The following RANBP17 variants were observed in gnomAD, a reference collection of about 807,000 sequenced individuals.
RANBP17 encodes the protein ran-binding protein 17.
A neutral mutation model predicts 141.2 loss-of-function variants in RANBP17; 158 were observed. The ratio of observed to expected loss-of-function variants is 1.12; its 90% confidence interval spans 0.98 to 1.28. RANBP17 has a LOEUF of 1.28. Among genes scored for constraint, RANBP17 ranks in the 50% most tolerant of loss-of-function variants. The probability of loss-of-function intolerance (pLI) is 0.00; values close to 1 mark genes in which losing one functional copy is unlikely to be tolerated. For missense variants in RANBP17, 1,438 were observed against 1,290.7 expected (o/e 1.11, Z -1.75); for synonymous variants, 430 against 450.0 (o/e 0.96, Z 0.56).
intron 1 of RANBP17, among the ~76,000 whole-genome samples, chr5:170,864,924 C>T (rs563762916): frequency 8.5e-5 from 13 of 152,322 alleles, no homozygotes; most frequent in Admixed American, 3.3e-4. Context: ...TTATATTCAC[C>T]AGTAACTGGA....
chr5:171,286,337 G>A (rs1468916068), intron 25 of RANBP17, among the ~76,000 whole-genome samples: 1 of 152,138 alleles, frequency 6.6e-6, no homozygotes, highest in Non-Finnish European at 1.5e-5. Context: ...GTGATTCCAG[G>A]GGAGAGCAGG....
chr5:171,101,421 C>G (rs921131577), intron 14 of RANBP17, among the ~76,000 whole-genome samples: 1 of 152,118 alleles, frequency 6.6e-6, no homozygotes, highest in African/African-American at 2.4e-5. Flanking sequence ...GATTGCAACC[C>G]CTGCTCTTTT....
intron 13 of RANBP17, among the ~76,000 whole-genome samples, chr5:170,955,279 G>A (rs2127499789): frequency 6.6e-6 from 1 of 151,852 alleles, no homozygotes; most frequent in East Asian, 1.9e-4. Flanking sequence ...CAGTTTATAG[G>A]TAACAAATGT....
chr5:171,184,329 C>G (rs1021829612), intron 18 of RANBP17, among the ~76,000 whole-genome samples: 1 of 152,120 alleles, frequency 6.6e-6, no homozygotes, highest in Admixed American at 6.5e-5. Context: ...CTGCCATTTG[C>G]CACAGTGTGG....
chr5:171,035,740 T>G (rs1168325111), intron 14 of RANBP17, among the ~76,000 whole-genome samples: 1 of 120,030 alleles, frequency 8.3e-6, no homozygotes, highest in Non-Finnish European at 1.5e-5. Context: ...TTTTTTTGTT[T>G]TTTTTTTTTT....
At chr5:171,003,846 G>T (rs955020052) in intron 14 of RANBP17, among the ~76,000 whole-genome samples, 1 of 152,180 alleles carries the variant, frequency 6.6e-6, no homozygotes, top group African/African-American at 2.4e-5. Flanking sequence ...GGGACGAGGG[G>T]TGTAGGGGAA....
intron 14 of RANBP17, among the ~76,000 whole-genome samples, chr5:170,993,781 A>G (rs564633261): frequency 6.6e-6 from 1 of 152,232 alleles, no homozygotes; most frequent in East Asian, 1.9e-4. Context: ...ACAAAATGTT[A>G]GAGCCCTGAA....
At chr5:171,266,067 C>G (rs1373647714) in intron 25 of RANBP17, among the ~76,000 whole-genome samples, 1 of 152,134 alleles carries the variant, frequency 6.6e-6, no homozygotes, top group Non-Finnish European at 1.5e-5. Flanking sequence ...CATCTCACCT[C>G]AGTGGAGCTA....
chr5:171,236,349 T>C (rs1446644867), intron 22 of RANBP17, among the ~76,000 whole-genome samples: 1 of 152,230 alleles, frequency 6.6e-6, no homozygotes, highest in African/African-American at 2.4e-5. Flanking sequence ...TTTCTCCTGG[T>C]ATAAGATACT....
chr5:171,062,145 T>G (rs996463913), intron 14 of RANBP17, among the ~76,000 whole-genome samples: 1 of 151,848 alleles, frequency 6.6e-6, no homozygotes, highest in Non-Finnish European at 1.5e-5. Flanking sequence ...AATTGGAGCA[T>G]TTAGTCCATT....
At position 171,096,413 on chromosome 5, in the gene RANBP17, G is replaced by T. The variant is rs144716782; in HGVS notation, c.1711-73717G>T. On this transcript the variant is annotated intron_variant, in intron 14 of 27. Coordinates refer to ENST00000523189, the MANE Select transcript of RANBP17 (RefSeq NM_022897.5). ...AGTCATTGAATTGAATATGTTATTG[G>T]TGATAGAAGTGAAGTGAGAGGAAAT... Among the ~76,000 whole-genome samples, 6 of 152,266 alleles carry T rather than the reference G, an allele frequency of 3.9e-5. No individual in the cohort carries two copies. The East Asian group carries it at 1.2e-3, about 29-fold the overall frequency.
chr5:171,175,147 G>A (rs1327160457), intron 16 of RANBP17, among the ~76,000 whole-genome samples: 1 of 152,106 alleles, frequency 6.6e-6, no homozygotes, highest in South Asian at 2.1e-4. Context: ...TTTTATGGCT[G>A]CATAGTATTC....
At position 171,125,121 on chromosome 5, in the gene RANBP17, C is replaced by A. The variant is rs181772607; in HGVS notation, c.1711-45009C>A. On this transcript the variant is annotated intron_variant, in intron 14 of 27. Coordinates refer to ENST00000523189, the MANE Select transcript of RANBP17 (RefSeq NM_022897.5). ...ACCAGCCTGGTCAACATGGCAAAAC[C>A]CCATCTCTATTGAAAAAATACAAAA... Among the ~76,000 whole-genome samples the A allele has an allele frequency of 4.7e-3, 719 of 151,782 alleles. 4 individuals are homozygous for A. Among genetic ancestry groups the A allele is most frequent in the African/African-American group, 0.017 (698 of 41,474 alleles).
At chr5:171,174,210 T>A (rs1044758219) in intron 16 of RANBP17, among the ~76,000 whole-genome samples, 1 of 152,182 alleles carries the variant, frequency 6.6e-6, no homozygotes, top group East Asian at 1.9e-4. Flanking sequence ...AGTAACTGTT[T>A]AACATACTCT....
intron 14 of RANBP17, among the ~76,000 whole-genome samples, chr5:171,076,564 GA>G (rs1784936490): frequency 1.3e-5 from 2 of 152,152 alleles, no homozygotes; most frequent in South Asian, 4.1e-4. Flanking sequence ...TCTATGGCAG[GA>G]AATAGATAAG....
At chr5:170,909,847 C>T (rs924578117) in intron 6 of RANBP17, 82 bp downstream of exon 6, 3 of 786,054 alleles carry the variant, frequency 3.8e-6, no homozygotes, top group African/African-American at 1.8e-5. Flanking sequence ...GTTGAATTTT[C>T]CCCCCAGTTT....
intron 14 of RANBP17, among the ~76,000 whole-genome samples, chr5:171,029,854 G>A (rs144902029): frequency 2.2e-3 from 337 of 151,874 alleles, no homozygotes; most frequent in African/African-American, 7.5e-3. Flanking sequence ...TGTTTTATAG[G>A]TGGACATTTT....
intron 25 of RANBP17, among the ~76,000 whole-genome samples, chr5:171,287,941 A>T (rs963809017): frequency 6.6e-6 from 1 of 152,112 alleles, no homozygotes; most frequent in Non-Finnish European, 1.5e-5. Context: ...TTAGAACTTT[A>T]TGGAATTTTT....
At chr5:171,155,095 ATATATAT>A (rs1220416316) in intron 14 of RANBP17, among the ~76,000 whole-genome samples, 4 of 32,668 alleles carry the variant, frequency 1.2e-4, no homozygotes, top group South Asian at 1.0e-3. Context: ...AAAAAAAAAA[ATATATAT>A]ATATATATAT....
Sources: gnomAD v4.1 joint callset for allele counts (sites outside exome capture counted in the v4.1 genomes callset) on GRCh38, gnomAD v4.1.1 for gene constraint, MANE v1.5 for transcripts, NCBI Gene and HGNC (gene_info 2026-07-23, HGNC 2026-07-21) for gene names.